Variants in GALNTL6 observed in about 807,000 individuals in gnomAD.
The protein encoded by GALNTL6 is polypeptide N-acetylgalactosaminyltransferase like 6.
GALNTL6 carries 46 observed loss-of-function variants against 73.7 expected under a neutral mutation model. That is an observed-to-expected ratio of 0.62 (90% CI 0.49 to 0.80). GALNTL6 has a LOEUF of 0.80. Among genes scored for constraint, GALNTL6 ranks in the 30% least tolerant of loss-of-function variants. The pLI is 0.00. For synonymous variants in GALNTL6, 259 were observed against 263.7 expected, an observed-to-expected ratio of 0.98 and a Z score of 0.17; for missense variants, 604 against 755.0, an observed-to-expected ratio of 0.80 and a Z score of 2.34.
intron 2 of GALNTL6, among the ~76,000 whole-genome samples, chr4:172,215,843 CT>C (rs2110936811): frequency 6.6e-6 from 1 of 152,202 alleles, no homozygotes; most frequent in South Asian, 2.1e-4. Flanking sequence ...AATTTGCCCC[CT>C]TTCATAGGCA....
At chr4:171,880,553 A>G (rs1007462955) in intron 2 of GALNTL6, among the ~76,000 whole-genome samples, 2 of 152,232 alleles carry the variant, frequency 1.3e-5, no homozygotes, top group African/African-American at 4.8e-5. Context: ...AGTGAGAAAC[A>G]TTGTGTGTTC....
At chr4:172,522,672 C>T (rs761011479) in intron 5 of GALNTL6, among the ~76,000 whole-genome samples, 735 of 64,210 alleles carry the variant, frequency 0.011, 5 homozygotes, top group Admixed American at 0.02. Context: ...CAGTCCCCCC[C>T]CCCCCCAAAA....
At chr4:172,664,552 T>C (rs1294257078) in intron 5 of GALNTL6, among the ~76,000 whole-genome samples, 1 of 152,200 alleles carries the variant, frequency 6.6e-6, no homozygotes, top group Non-Finnish European at 1.5e-5. Flanking sequence ...TTTTGTCCAA[T>C]TAAAAAGATT....
intron 2 of GALNTL6, among the ~76,000 whole-genome samples, chr4:172,099,408 A>C (rs1220875795): frequency 2.6e-5 from 4 of 152,210 alleles, no homozygotes; most frequent in African/African-American, 9.6e-5. Flanking sequence ...GTAAGTGATG[A>C]TACCCGCCAT....
intron 5 of GALNTL6, among the ~76,000 whole-genome samples, chr4:172,794,310 A>G (rs578132513): frequency 1.3e-5 from 2 of 152,350 alleles, no homozygotes; most frequent in African/African-American, 4.8e-5. Context: ...ATGTCCTGGA[A>G]ATAATATTAC....
At position 172,648,250 on chromosome 4, in the gene GALNTL6, C is replaced by T. The variant is rs1487266458; in HGVS notation, c.554-161111C>T. Reference sequence around the variant, plus strand: ...TGACGTTTGGAAGCCAAAGACTTAACTCATTGGCCAGGCTTCAGAAATACA... The same window carrying T: ...TGACGTTTGGAAGCCAAAGACTTAATTCATTGGCCAGGCTTCAGAAATACA... On this transcript the variant is annotated intron_variant, in intron 5 of 12. Coordinates refer to ENST00000506823, the MANE Select transcript of GALNTL6 (RefSeq NM_001034845.3). Among the ~76,000 whole-genome samples the T allele has an allele frequency of 2.0e-5, 3 of 152,110 alleles. No individual in the cohort carries two copies. The East Asian group carries it at 5.8e-4, about 29-fold the overall frequency.
intron 2 of GALNTL6, among the ~76,000 whole-genome samples, chr4:171,948,796 A>G (rs1738778807): frequency 6.6e-6 from 1 of 152,186 alleles, no homozygotes; most frequent in South Asian, 2.1e-4. Flanking sequence ...GAAATAAAAT[A>G]TCAACACATT....
chr4:172,515,542 T>A (rs997809913), intron 5 of GALNTL6, among the ~76,000 whole-genome samples: 1 of 152,230 alleles, frequency 6.6e-6, no homozygotes, highest in African/African-American at 2.4e-5. Context: ...TCATTTGCGT[T>A]CAATTTAACA....
chr4:172,265,896 A>G (rs1458408084), intron 3 of GALNTL6, among the ~76,000 whole-genome samples: 2 of 152,110 alleles, frequency 1.3e-5, no homozygotes, highest in African/African-American at 4.8e-5. Flanking sequence ...ACTGGAAAAA[A>G]AAAGTTTGAT....
At chr4:171,956,838 T>A (rs1348168925) in intron 2 of GALNTL6, among the ~76,000 whole-genome samples, 1 of 152,144 alleles carries the variant, frequency 6.6e-6, no homozygotes, top group Non-Finnish European at 1.5e-5. Flanking sequence ...TTTATGTAGC[T>A]CTCTGTTCAA....
In GALNTL6 at chr4:172,177,816, T is replaced by TGTGTATATATACACACACATATATGTGC. The variant is rs1359746635; in HGVS notation, c.139-51816_139-51815insGTGCGTGTATATATACACACACATATAT. On this transcript the variant is annotated intron_variant, in intron 2 of 12. Coordinates refer to ENST00000506823, the MANE Select transcript of GALNTL6 (RefSeq NM_001034845.3). ...ATATATATACACACACATATATGTG[T>TGTGTATATATACACACACATATATGTGC]GTGTATATATACACACACATATATA... 7.5e-4 allele frequency among the ~76,000 whole-genome samples: 99 copies of TGTGTATATATACACACACATATATGTGC among 131,970 alleles called. 3 individuals are homozygous for TGTGTATATATACACACACATATATGTGC. The highest frequency in any genetic ancestry group is 1.4e-3 in the Non-Finnish European group (86 of 63,272). 86.6% of individuals were successfully genotyped at this position (131,970 alleles called of 152,430 possible).
intron 5 of GALNTL6, among the ~76,000 whole-genome samples, chr4:172,587,753 T>A (rs1396612068): frequency 2.6e-5 from 4 of 152,092 alleles, no homozygotes; most frequent in African/African-American, 4.8e-5. Context: ...ATCACCACCC[T>A]CACCACTAGA....
At chr4:172,248,947 T>C (rs1271008984) in intron 3 of GALNTL6, among the ~76,000 whole-genome samples, 3 of 152,148 alleles carry the variant, frequency 2.0e-5, no homozygotes, top group Non-Finnish European at 4.4e-5. Context: ...TATTTCTTCA[T>C]AGCAACATGA....
At chr4:173,000,610 A>G (rs1041716429) in intron 10 of GALNTL6, among the ~76,000 whole-genome samples, 2 of 152,236 alleles carry the variant, frequency 1.3e-5, no homozygotes, top group African/African-American at 4.8e-5. Flanking sequence ...AATCTTGAAC[A>G]AGAAAAACAA....
chr4:172,663,770 A>T (rs1244389609), intron 5 of GALNTL6, among the ~76,000 whole-genome samples: 20 of 152,084 alleles, frequency 1.3e-4, no homozygotes, highest in Non-Finnish European at 1.5e-5. Flanking sequence ...CTCTACTAAA[A>T]ATATAAAAAA....
chr4:172,090,122 C>G (rs1732159332), intron 2 of GALNTL6, among the ~76,000 whole-genome samples: 1 of 152,116 alleles, frequency 6.6e-6, no homozygotes, highest in Non-Finnish European at 1.5e-5. Flanking sequence ...TGGGTTGGTT[C>G]CAAGTCTTTG....
intron 5 of GALNTL6, among the ~76,000 whole-genome samples, chr4:172,397,556 CATTTATTTATTTATTT>C (rs10639647): frequency 7.6e-5 from 11 of 144,452 alleles, no homozygotes; most frequent in Non-Finnish European, 1.5e-4. Flanking sequence ...ATAAGTATCT[CATTTATTTATTTATTT>C]ATTTATTTAT....
chr4:172,775,075 T>G (rs545493160), intron 5 of GALNTL6, among the ~76,000 whole-genome samples: 5 of 151,838 alleles, frequency 3.3e-5, no homozygotes, highest in African/African-American at 1.2e-4. Context: ...CTGAGTCAAA[T>G]GATGGCAATA....
intron 9 of GALNTL6, among the ~76,000 whole-genome samples, chr4:172,949,353 G>C (rs1041670379): frequency 6.6e-6 from 1 of 152,154 alleles, no homozygotes; most frequent in Non-Finnish European, 1.5e-5. Context: ...TTTTCTGCAA[G>C]CTACTAGAAT....
Sources: gnomAD v4.1 joint callset for allele counts (sites outside exome capture counted in the v4.1 genomes callset) on GRCh38, gnomAD v4.1.1 for gene constraint, MANE v1.5 for transcripts, NCBI Gene and HGNC (gene_info 2026-07-23, HGNC 2026-07-21) for gene names.